The following TAOK3 variants were observed in gnomAD, a reference collection of about 807,000 sequenced individuals.
TAOK3 encodes TAO kinase 3, also known as serine/threonine-protein kinase TAO3.
In TAOK3, 40 loss-of-function variants were observed where a neutral mutation model predicts 120.4. The observed-to-expected ratio is 0.33, with a 90% CI of 0.26 to 0.43. The LOEUF is 0.43. Among genes scored for constraint, TAOK3 ranks in the 20% least tolerant of loss-of-function variants. The pLI is 1.00. For missense variants in TAOK3, 821 were observed against 1,112.1 expected, an observed-to-expected ratio of 0.74 and a Z score of 3.72; for synonymous variants, 355 against 387.5, an observed-to-expected ratio of 0.92 and a Z score of 0.99.
At chr12:118,316,209 T>C (rs1017190592) in intron 1 of TAOK3, among the ~76,000 whole-genome samples, 1 of 152,218 alleles carries the variant, frequency 6.6e-6, no homozygotes, top group African/African-American at 2.4e-5. Flanking sequence ...ATCTAAAAAA[T>C]GGCCTAATGA....
intron 1 of TAOK3, among the ~76,000 whole-genome samples, chr12:118,342,184 C>G (rs1224273098): frequency 3.3e-5 from 5 of 152,158 alleles, no homozygotes. Flanking sequence ...GGCTTCCTCA[C>G]CTCAGAGTAG....
intron 19 of TAOK3, among the ~76,000 whole-genome samples, chr12:118,156,771 G>T (rs1428162100): frequency 1.3e-5 from 2 of 151,288 alleles, no homozygotes; most frequent in Non-Finnish European, 2.9e-5. Context: ...GTCTCACTCT[G>T]TCACCCAGGC....
chr12:118,234,609 C>A (rs2039945598), intron 8 of TAOK3, among the ~76,000 whole-genome samples: 1 of 152,084 alleles, frequency 6.6e-6, no homozygotes. Context: ...GTGGCGCCAT[C>A]TTGGCTTACT....
chr12:118,295,068 CTTTTGGAGACG>C (rs1194273282), intron 1 of TAOK3, among the ~76,000 whole-genome samples: 9 of 146,366 alleles, frequency 6.1e-5, no homozygotes, highest in Non-Finnish European at 9.1e-5. Context: ...TTTTTTTTTT[CTTTTGGAGACG>C]GAGTTTTGCT....
At chr12:118,368,512 TAACAGAAAA>T (rs1331259899) in intron 1 of TAOK3, among the ~76,000 whole-genome samples, 3 of 138,228 alleles carry the variant, frequency 2.2e-5, no homozygotes, top group Non-Finnish European at 3.2e-5. Flanking sequence ...TATTTTTTTT[TAACAGAAAA>T]TAGGCCGGGA....
intron 1 of TAOK3, among the ~76,000 whole-genome samples, chr12:118,289,127 C>G (rs1373035949): frequency 1.3e-5 from 2 of 150,732 alleles, no homozygotes; most frequent in African/African-American, 2.4e-5. Flanking sequence ...ATGGTGAAAC[C>G]CTGTCTCTAC....
chr12:118,220,658 A>C (rs1216406727), intron 9 of TAOK3, among the ~76,000 whole-genome samples: 1 of 151,984 alleles, frequency 6.6e-6, no homozygotes, highest in Non-Finnish European at 1.5e-5. Flanking sequence ...GGATGAAAGA[A>C]CAAAAACACA....
chr12:118,291,088 T>C (rs565354223), intron 1 of TAOK3, among the ~76,000 whole-genome samples: 1 of 151,774 alleles, frequency 6.6e-6, no homozygotes, highest in East Asian at 1.9e-4. Context: ...ACTCCTGACC[T>C]CAGGTGATCT....
At chr12:118,256,972 G>T (rs1430956795) in intron 2 of TAOK3, among the ~76,000 whole-genome samples, 2 of 152,112 alleles carry the variant, frequency 1.3e-5, no homozygotes, top group Admixed American at 1.3e-4. Flanking sequence ...AATAATAACG[G>T]TTGGTATTTA....
intron 1 of TAOK3, among the ~76,000 whole-genome samples, chr12:118,338,047 G>C (rs995893581): frequency 1.3e-5 from 2 of 152,216 alleles, no homozygotes; most frequent in Non-Finnish European, 2.9e-5. Flanking sequence ...ACAAGTGCGT[G>C]TAAATCTACA....
chr12:118,337,516 T>A (rs554668224), intron 1 of TAOK3, among the ~76,000 whole-genome samples: 20 of 152,354 alleles, frequency 1.3e-4, no homozygotes, highest in Admixed American at 3.9e-4. Flanking sequence ...ACAACCCAGA[T>A]ATTCTTTAAT....
At chr12:118,234,630 C>T (rs2039946265) in intron 8 of TAOK3, among the ~76,000 whole-genome samples, 1 of 152,080 alleles carries the variant, frequency 6.6e-6, no homozygotes, top group Non-Finnish European at 1.5e-5. Flanking sequence ...GCAGCCTCTA[C>T]CTCCTGGGTT....
At chr12:118,257,401 C>T (rs2041033467) in intron 2 of TAOK3, among the ~76,000 whole-genome samples, 1 of 151,904 alleles carries the variant, frequency 6.6e-6, no homozygotes, top group Non-Finnish European at 1.5e-5. Flanking sequence ...ATTGATCTGC[C>T]ATTAGTTACA....
intron 14 of TAOK3, 48 bp downstream of exon 14, chr12:118,189,759 G>C (rs770545305): frequency 6.2e-7 from 1 of 1,609,492 alleles, no homozygotes; most frequent in Admixed American, 1.7e-5. Flanking sequence ...GCTGCCAGAT[G>C]GGGAGGAGGG....
intron 1 of TAOK3, among the ~76,000 whole-genome samples, chr12:118,366,851 AG>A (rs2045753471): frequency 6.6e-6 from 1 of 152,114 alleles, no homozygotes; most frequent in Non-Finnish European, 1.5e-5. Context: ...GCACTCTGGG[AG>A]GCTGAGGTGG....
At chr12:118,349,042 C>T (rs901773329) in intron 1 of TAOK3, among the ~76,000 whole-genome samples, 1 of 151,728 alleles carries the variant, frequency 6.6e-6, no homozygotes, top group Non-Finnish European at 1.5e-5. Flanking sequence ...CAGGTGCTCA[C>T]CACCACACCC....
intron 1 of TAOK3, among the ~76,000 whole-genome samples, chr12:118,287,816 A>G (rs1446598554): frequency 1.3e-5 from 2 of 152,112 alleles, no homozygotes; most frequent in African/African-American, 4.8e-5. Context: ...AATTGTTCCA[A>G]AACCAAATAA....
At chr12:118,191,825 C>A (rs2037448309) in intron 13 of TAOK3, among the ~76,000 whole-genome samples, 1 of 152,120 alleles carries the variant, frequency 6.6e-6, no homozygotes, top group African/African-American at 2.4e-5. Flanking sequence ...GCCAGAAAAG[C>A]AAGCAGCTCT....
At chr12:118,240,888 T>G (rs2040221826) in intron 5 of TAOK3, among the ~76,000 whole-genome samples, 1 of 151,826 alleles carries the variant, frequency 6.6e-6, no homozygotes, top group African/African-American at 2.4e-5. Flanking sequence ...TATATTTATA[T>G]TATGTACCTT....
Sources: gnomAD v4.1 joint callset for allele counts (sites outside exome capture counted in the v4.1 genomes callset) on GRCh38, gnomAD v4.1.1 for gene constraint, MANE v1.5 for transcripts, NCBI Gene and HGNC (gene_info 2026-07-23, HGNC 2026-07-21) for gene names.